ADAMTS18: variants seen among roughly 807,000 people sequenced by gnomAD.
ADAMTS18 encodes the protein A disintegrin and metalloproteinase with thrombospondin motifs 18.
In ADAMTS18, 157 loss-of-function variants were observed where a neutral mutation model predicts 165.9. The ratio of observed to expected loss-of-function variants is 0.95; its 90% confidence interval spans 0.83 to 1.08. ADAMTS18 has a LOEUF of 1.08. ADAMTS18 is among the 50% of genes least tolerant of loss of function. The pLI, the probability that ADAMTS18 is intolerant of heterozygous loss-of-function variation, is 0.00. For missense variants in ADAMTS18, 2,040 were observed against 1,534.0 expected (o/e 1.33, Z -5.51); for synonymous variants, 782 against 578.2 (o/e 1.35, Z -5.06).
chr16:77,403,435 C>A (rs1437470913), intron 3 of ADAMTS18, among the ~76,000 whole-genome samples: 1 of 152,138 alleles, frequency 6.6e-6, no homozygotes, highest in Non-Finnish European at 1.5e-5. Context: ...GATTATCTAT[C>A]CTCAGACTCT....
chr16:77,337,034 T>C (rs901249378), intron 11 of ADAMTS18, among the ~76,000 whole-genome samples: 1 of 152,238 alleles, frequency 6.6e-6, no homozygotes, highest in African/African-American at 2.4e-5. Context: ...CTGTTTACTG[T>C]GTGGCTTGGT....
intron 3 of ADAMTS18, among the ~76,000 whole-genome samples, chr16:77,425,134 G>A (rs530403099): frequency 2.0e-5 from 3 of 152,130 alleles, no homozygotes; most frequent in South Asian, 2.1e-4. Context: ...AAGAACCCAG[G>A]CTCTCTGGAG....
chr16:77,301,255 A>C (rs887715730), intron 16 of ADAMTS18, among the ~76,000 whole-genome samples: 1 of 150,226 alleles, frequency 6.7e-6, no homozygotes, highest in African/African-American at 2.5e-5. Flanking sequence ...CAACTCTATA[A>C]TGTAGCTGCC....
chr16:77,322,150 A>G (rs111378488), intron 14 of ADAMTS18, among the ~76,000 whole-genome samples, 186 bp downstream of exon 14: 9,253 of 78,982 alleles, frequency 0.12, 1,115 homozygotes, highest in African/African-American at 0.37. Context: ...GTGAAATTTC[A>G]TCTCAAAAAA....
chr16:77,338,050 C>G (rs1232056800), intron 11 of ADAMTS18, among the ~76,000 whole-genome samples: 1 of 151,876 alleles, frequency 6.6e-6, no homozygotes, highest in Non-Finnish European at 1.5e-5. Context: ...ATTATAGGCG[C>G]CTGCCACTAC....
chr16:77,364,440 TGAGA>T, intron 4 of ADAMTS18, 59 bp from the exon 5 acceptor site: 3 of 1,561,578 alleles, frequency 1.9e-6, no homozygotes, highest in Non-Finnish European at 2.6e-6. Flanking sequence ...ATAAGACAGT[TGAGA>T]GAGAAACTGA....
chr16:77,370,420 A>G (rs1354880609), intron 3 of ADAMTS18, among the ~76,000 whole-genome samples: 4 of 152,176 alleles, frequency 2.6e-5, no homozygotes, highest in East Asian at 3.8e-4. Flanking sequence ...CATCAGTAGC[A>G]TTTCTATATG....
intron 7 of ADAMTS18, among the ~76,000 whole-genome samples, chr16:77,361,669 A>C (rs994394074): frequency 4.6e-5 from 7 of 152,202 alleles, no homozygotes; most frequent in African/African-American, 7.2e-5. Context: ...GGAACACCTG[A>C]GGTCAGGAGT....
chr16:77,347,550 G>C (rs1226743884), intron 10 of ADAMTS18, among the ~76,000 whole-genome samples: 1 of 151,902 alleles, frequency 6.6e-6, no homozygotes, highest in Non-Finnish European at 1.5e-5. Context: ...ATATTCCTGA[G>C]AGCAATTGAT....
chr16:77,367,847 T>A, intron 3 of ADAMTS18, 124 bp from the exon 4 acceptor site: 4 of 1,080,716 alleles, frequency 3.7e-6, no homozygotes, highest in Non-Finnish European at 5.7e-6. Flanking sequence ...GCTTCACACA[T>A]ATTGCCTCAT....
chr16:77,351,980 C>G (rs973776699), intron 10 of ADAMTS18, among the ~76,000 whole-genome samples: 2 of 152,086 alleles, frequency 1.3e-5, no homozygotes, highest in Non-Finnish European at 1.5e-5. Flanking sequence ...GTGATCCTCC[C>G]ACCTTGGCCT....
At chr16:77,364,744 GAAAA>G (rs2056767304) in intron 4 of ADAMTS18, among the ~76,000 whole-genome samples, 2 of 81,630 alleles carry the variant, frequency 2.5e-5, no homozygotes, top group African/African-American at 4.5e-5. Context: ...AAGAAAGAAA[GAAAA>G]GAAAAGAAGA....
intron 12 of ADAMTS18, among the ~76,000 whole-genome samples, chr16:77,329,092 G>A (rs2056144335): frequency 6.6e-6 from 1 of 151,978 alleles, no homozygotes. Flanking sequence ...TTTACAATGA[G>A]GGAGATTCTC....
rs1300536051 is a variant in ADAMTS18 at position 77,363,670 on chromosome 16, G to T, written c.1056+132C>A. On this transcript the variant is annotated intron_variant, in intron 6 of 22. Transcript: ENST00000282849. ...ACACAATCTTTTAAAATTGTACTTT[G>T]AGGAGAGTCAGCCTAGTTTCAAATT... The T allele has an allele frequency of 2.3e-5, 17 of 726,332 alleles. No individual in the cohort carries two copies. The East Asian group carries it at 4.3e-4, about 19-fold the overall frequency. The allele number at this position is 726,332 out of a possible 1,614,324, so 45.0% of individuals were successfully genotyped here. A position where few individuals can be genotyped will look rare whatever the true frequency, so the allele number is the denominator to read the frequency against.
intron 3 of ADAMTS18, among the ~76,000 whole-genome samples, chr16:77,428,426 A>T (rs2057699866): frequency 6.6e-6 from 1 of 152,216 alleles, no homozygotes; most frequent in Non-Finnish European, 1.5e-5. Flanking sequence ...AAGTGCTTTC[A>T]ATTTCATTAA....
intron 14 of ADAMTS18, among the ~76,000 whole-genome samples, chr16:77,321,507 A>G (rs2055998158): frequency 6.6e-6 from 1 of 152,198 alleles, no homozygotes; most frequent in South Asian, 2.1e-4. Flanking sequence ...GTGTAACTCA[A>G]ATATGAAAAT....
At chr16:77,371,934 A>G (rs2056881831) in intron 3 of ADAMTS18, among the ~76,000 whole-genome samples, 2 of 152,184 alleles carry the variant, frequency 1.3e-5, no homozygotes, top group African/African-American at 4.8e-5. Flanking sequence ...AAAAATAACA[A>G]TAATAATCTG....
chr16:77,401,708 A>G (rs1567542579), intron 3 of ADAMTS18, among the ~76,000 whole-genome samples: 1 of 152,246 alleles, frequency 6.6e-6, no homozygotes, highest in African/African-American at 2.4e-5. Flanking sequence ...GAATCAGTAG[A>G]CTAAAGAGGA....
chr16:77,331,653 G>T (rs76377892), intron 12 of ADAMTS18, among the ~76,000 whole-genome samples: 13,861 of 152,128 alleles, frequency 0.091, 838 homozygotes, highest in East Asian at 0.25. Context: ...ATTTTTGGTT[G>T]TCACAGTTTG....
Sources: allele counts gnomAD v4.1 joint callset (sites outside exome capture counted in the v4.1 genomes callset), GRCh38; gene constraint gnomAD v4.1.1; transcripts MANE v1.5; gene names NCBI Gene and HGNC (gene_info 2026-07-23, HGNC 2026-07-21).